PTPRN2: variants seen among roughly 807,000 people sequenced by gnomAD.
PTPRN2 encodes the protein protein tyrosine phosphatase receptor type N2.
A neutral mutation model predicts 118.8 loss-of-function variants in PTPRN2; 74 were observed. The ratio of observed to expected loss-of-function variants is 0.62; its 90% CI spans 0.52 to 0.76. The LOEUF is 0.76. Among genes scored for constraint, PTPRN2 ranks in the 30% least tolerant of loss-of-function variants. The pLI is 0.00. For synonymous variants in PTPRN2, 641 were observed against 608.0 expected, an observed-to-expected ratio of 1.05 and a Z score of -0.80; for missense variants, 1,481 against 1,394.4, an observed-to-expected ratio of 1.06 and a Z score of -0.99.
intron 12 of PTPRN2, among the ~76,000 whole-genome samples, chr7:157,855,705 C>T (rs1029211977): frequency 2.0e-5 from 3 of 152,086 alleles, no homozygotes; most frequent in Admixed American, 6.5e-5. Flanking sequence ...GAGGGAGAGC[C>T]GGAGCCAGGA....
At chr7:158,384,610 C>T (rs751143146) in intron 2 of PTPRN2, among the ~76,000 whole-genome samples, 1 of 152,122 alleles carries the variant, frequency 6.6e-6, no homozygotes, top group Non-Finnish European at 1.5e-5. Context: ...TGTAGAGAAA[C>T]CCTGTATTAC....
At position 158,093,793 on chromosome 7, in the gene PTPRN2, T is replaced by C. The variant is rs920602996; in HGVS notation, c.1644-12416A>G. ...CATGAGGCAATAACTTCCCAAAATA[T>C]CTAGCCTAAGAGCTTACAAAGGAGG... On this transcript the variant is annotated intron_variant, in intron 10 of 22. Coordinates refer to ENST00000389418, the MANE Select transcript of PTPRN2 (RefSeq NM_002847.5). The surrounding 1 kb of genome is among the most constrained non-coding windows in gnomAD (Gnocchi z 4.4). 1.3e-5 allele frequency among the ~76,000 whole-genome samples: 2 copies of C among 152,160 alleles called. No homozygotes were observed. The highest frequency in any genetic ancestry group is 6.5e-5 in the Admixed American group (1 of 15,268).
chr7:158,515,187 A>AT (rs56906268), intron 1 of PTPRN2, among the ~76,000 whole-genome samples: 28,738 of 139,102 alleles, frequency 0.21, 2,961 homozygotes, highest in East Asian at 0.4. Context: ...CAGTGAGTGT[A>AT]TTTTTTTTTT....
chr7:158,059,456 C>T (rs1412385970), intron 11 of PTPRN2, among the ~76,000 whole-genome samples: 1 of 124,430 alleles, frequency 8.0e-6, no homozygotes, highest in Non-Finnish European at 1.6e-5. Context: ...TGCAGCCACA[C>T]TCCATCTGCA....
In PTPRN2 at chr7:158,171,028, C is replaced by CAT. The variant is rs576299967; in HGVS notation, c.550-3739_550-3738dup. ...ATATATACACATACATATATATACA[C>CAT]ATATATATACACATACATATATATA... On this transcript the variant is annotated intron_variant, in intron 5 of 22. Transcript: ENST00000389418. Among the ~76,000 whole-genome samples the CAT allele has an allele frequency of 7.1e-3, 1,022 of 143,794 alleles. 35 individuals carry two copies. Among genetic ancestry groups the CAT allele is most frequent in the African/African-American group, 0.025 (947 of 37,422 alleles). 94.3% of individuals were successfully genotyped at this position (143,794 alleles called of 152,430 possible).
chr7:158,045,487 G>A (rs990294057), intron 11 of PTPRN2, among the ~76,000 whole-genome samples: 11 of 152,168 alleles, frequency 7.2e-5, no homozygotes, highest in Non-Finnish European at 1.6e-4. Context: ...AGCAAGACAT[G>A]AGAAACAGGA....
At position 158,190,389 on chromosome 7, in the gene PTPRN2, G is replaced by A. The variant is rs1263529019; in HGVS notation, c.549+1938C>T. Among the ~76,000 whole-genome samples, 3 of 152,192 alleles carry A rather than the reference G, an allele frequency of 2.0e-5. No individual in the cohort carries two copies. In the East Asian group the frequency reaches 5.8e-4, roughly 29 times the overall value. ...TTAATGAATAAAAACTTTAAATTTA[G>A]CCTGTTTAAAATAGTGTTAAGTGGA... On this transcript the variant is annotated intron_variant, in intron 5 of 22. Coordinates refer to ENST00000389418, the MANE Select transcript of PTPRN2 (RefSeq NM_002847.5).
At chr7:157,788,374 CAA>C (rs749886375) in intron 12 of PTPRN2, among the ~76,000 whole-genome samples, 14 of 75,512 alleles carry the variant, frequency 1.9e-4, no homozygotes, top group Admixed American at 3.1e-4. Flanking sequence ...GACTCCATCT[CAA>C]AAAAAAAAAA....
intron 1 of PTPRN2, among the ~76,000 whole-genome samples, chr7:158,553,216 A>G (rs1691929398): frequency 6.8e-6 from 1 of 147,054 alleles, no homozygotes; most frequent in Admixed American, 6.8e-5. Context: ...CTATACATGA[A>G]TAGGCTTTGG....
rs1204909952 is a variant in PTPRN2, at chr7:158,489,724, C to T, written c.163+11G>A. ...CAGACCAGGGCGCAGCAGCCAGGAC[C>T]CCACACTCACCGTTCACACAGGCCT... On this transcript the variant is annotated intron_variant, in intron 2 of 22. Coordinates refer to ENST00000389418, the MANE Select transcript of PTPRN2 (RefSeq NM_002847.5). 2.5e-6 allele frequency: 4 copies of T among 1,575,556 alleles called. No homozygotes were observed. Among genetic ancestry groups the T allele is most frequent in the Non-Finnish European group, 8.6e-7 (1 of 1,162,128 alleles).
intron 8 of PTPRN2, among the ~76,000 whole-genome samples, chr7:158,135,836 G>A (rs549363558): frequency 7.9e-5 from 12 of 152,230 alleles, no homozygotes; most frequent in African/African-American, 2.7e-4. Flanking sequence ...TCTGAGGAGA[G>A]AATGACTAAC....
intron 9 of PTPRN2, among the ~76,000 whole-genome samples, chr7:158,112,043 GGGCGA>G (rs1385011534): frequency 3.9e-5 from 6 of 151,988 alleles, no homozygotes; most frequent in African/African-American, 1.5e-4. Flanking sequence ...GTAGCAGCAG[GGGCGA>G]GGCTGGGAGC....
chr7:158,187,969 T>C (rs1156322653), intron 5 of PTPRN2, among the ~76,000 whole-genome samples: 1 of 152,118 alleles, frequency 6.6e-6, no homozygotes, highest in East Asian at 1.9e-4. Context: ...CCCTCTCCCA[T>C]TCCTCTTTCT....
At chr7:158,372,393 T>C (rs1206001436) in intron 2 of PTPRN2, among the ~76,000 whole-genome samples, 1 of 112,910 alleles carries the variant, frequency 8.9e-6, no homozygotes, top group Non-Finnish European at 1.8e-5. Context: ...GCCTCCCCAA[T>C]GCTGGTCCCC....
chr7:157,560,791 G>A lies in PTPRN2; in HGVS notation c.2902+8111C>T, dbSNP rs551394444. On this transcript the variant is annotated intron_variant, in intron 21 of 22. Coordinates refer to ENST00000389418, the MANE Select transcript of PTPRN2 (RefSeq NM_002847.5). This position sits in a 1 kb window ranked among gnomAD's most constrained non-coding sequence, Gnocchi z 6.7. ...GCCTGAGCGAGACAAGAGACACTGC[G>A]GGCCCAACGTGTCTGTGAGGTCCCT... 2.0e-5 allele frequency among the ~76,000 whole-genome samples: 3 copies of A among 152,240 alleles called. No homozygotes were observed. In the South Asian group the frequency reaches 6.2e-4, roughly 32 times the overall value.
intron 2 of PTPRN2, among the ~76,000 whole-genome samples, chr7:158,415,099 TGA>T: frequency 1.3e-5 from 2 of 151,058 alleles, no homozygotes; most frequent in Non-Finnish European, 3.0e-5. Context: ...ACTTCTCTGA[TGA>T]TACAACCAGC....
At chr7:157,625,982 C>T (rs1005875498) in intron 14 of PTPRN2, among the ~76,000 whole-genome samples, 5 of 152,188 alleles carry the variant, frequency 3.3e-5, no homozygotes, top group Admixed American at 6.5e-5. Context: ...TTCATTTCAG[C>T]TTTGGACATC....
chr7:158,480,127 G>A (rs1231383757), intron 2 of PTPRN2, among the ~76,000 whole-genome samples: 3 of 152,204 alleles, frequency 2.0e-5, no homozygotes, highest in Non-Finnish European at 2.9e-5. Context: ...TTTGTTCCAC[G>A]TCGCGGGGGT....
rs1288043952 is a variant in PTPRN2, at chr7:157,632,603, G to C, written c.2197-11094C>G. Among the ~76,000 whole-genome samples, 1 of 152,134 alleles carries C rather than the reference G, an allele frequency of 6.6e-6. No individual in the cohort carries two copies. The highest frequency in any genetic ancestry group is 1.5e-5 in the Non-Finnish European group (1 of 68,034). On this transcript the variant is annotated intron_variant, in intron 14 of 22. Transcript: ENST00000389418. The surrounding 1 kb of genome is among the most constrained non-coding windows in gnomAD (Gnocchi z 4.3). ...TCATATTAGGGAGTGTGCGTAGGAG[G>C]GGGTGACAGGGGTCACCTGCAGAAA...
Sources: allele counts gnomAD v4.1 joint callset (sites outside exome capture counted in the v4.1 genomes callset), GRCh38; gene constraint gnomAD v4.1.1; non-coding constraint Gnocchi (gnomAD v3.1); transcripts MANE v1.5; gene names NCBI Gene and HGNC (gene_info 2026-07-23, HGNC 2026-07-21).